Variants in CNTN5 observed in about 807,000 individuals in gnomAD.
The protein encoded by CNTN5 is contactin 5, also known as contactin-5.
CNTN5 carries 77 observed loss-of-function variants against 129.1 expected under a neutral mutation model. The observed-to-expected ratio is 0.60, with a 90% CI of 0.50 to 0.72. The LOEUF (loss-of-function observed/expected upper bound fraction) is 0.72, where lower values mean the gene tolerates loss of function less well. Ranked by LOEUF, CNTN5 falls within the 30% of genes least tolerant of loss-of-function variation. The pLI, the probability that CNTN5 is intolerant of heterozygous loss-of-function variation, is 0.00. For missense variants in CNTN5, 1,478 were observed against 1,328.8 expected, an observed-to-expected ratio of 1.11 and a Z score of -1.75; for synonymous variants, 509 against 465.6, an observed-to-expected ratio of 1.09 and a Z score of -1.20.
At chr11:99,397,908 A>C (rs1413677581) in intron 2 of CNTN5, among the ~76,000 whole-genome samples, 1 of 151,874 alleles carries the variant, frequency 6.6e-6, no homozygotes, top group Non-Finnish European at 1.5e-5. Context: ...TTGAGAGATC[A>C]AGGGAATATA....
chr11:99,205,818 C>G (rs1281508468), intron 1 of CNTN5, among the ~76,000 whole-genome samples: 1 of 147,792 alleles, frequency 6.8e-6, no homozygotes, highest in Admixed American at 6.7e-5. Context: ...AATTGTACAT[C>G]AATAAAGCTG....
At chr11:100,232,665 A>G (rs182512324) in intron 16 of CNTN5, among the ~76,000 whole-genome samples, 1 of 152,322 alleles carries the variant, frequency 6.6e-6, no homozygotes, top group East Asian at 1.9e-4. Context: ...TTCATTCAGT[A>G]CTTACTCATC....
At chr11:100,021,408 A>G (rs1203484549) in intron 9 of CNTN5, among the ~76,000 whole-genome samples, 1 of 152,162 alleles carries the variant, frequency 6.6e-6, no homozygotes, top group Non-Finnish European at 1.5e-5. Flanking sequence ...TACAGAAAAG[A>G]GTTGAAATTT....
chr11:99,923,772 T>C (rs1245324393), intron 7 of CNTN5, among the ~76,000 whole-genome samples: 2 of 151,478 alleles, frequency 1.3e-5, no homozygotes, highest in African/African-American at 2.4e-5. Flanking sequence ...TCTATCTATC[T>C]ATCTATCTAT....
At chr11:99,742,433 AT>A (rs1943916036) in intron 3 of CNTN5, among the ~76,000 whole-genome samples, 1 of 152,174 alleles carries the variant, frequency 6.6e-6, no homozygotes, top group Non-Finnish European at 1.5e-5. Flanking sequence ...GTAACCAATC[AT>A]TTGTGCTCCT....
intron 1 of CNTN5, among the ~76,000 whole-genome samples, chr11:99,030,127 C>T (rs1863297134): frequency 6.6e-6 from 1 of 152,138 alleles, no homozygotes; most frequent in Non-Finnish European, 1.5e-5. Flanking sequence ...CCCTGAGCAA[C>T]ACCATAACCT....
intron 1 of CNTN5, among the ~76,000 whole-genome samples, chr11:99,178,410 A>C (rs1430813501): frequency 6.6e-6 from 1 of 151,512 alleles, no homozygotes; most frequent in Non-Finnish European, 1.5e-5. Context: ...AGTCCTAGCT[A>C]TTCAGGAGCC....
At chr11:99,834,926 C>G (rs1393184999) in intron 4 of CNTN5, among the ~76,000 whole-genome samples, 1 of 152,322 alleles carries the variant, frequency 6.6e-6, no homozygotes, top group South Asian at 2.1e-4. Context: ...TTATTTGATA[C>G]CTTGTTTTCC....
intron 1 of CNTN5, among the ~76,000 whole-genome samples, chr11:99,219,359 G>A (rs1054567643): frequency 2.0e-5 from 3 of 151,808 alleles, no homozygotes; most frequent in East Asian, 1.9e-4. Flanking sequence ...TGGCCATAGG[G>A]GTGATTTCTT....
intron 3 of CNTN5, among the ~76,000 whole-genome samples, chr11:99,686,727 T>C (rs1395366844): frequency 6.6e-6 from 1 of 152,174 alleles, no homozygotes; most frequent in Admixed American, 6.5e-5. Context: ...AAAGAGAAAG[T>C]GTGGGCTGTC....
intron 6 of CNTN5, among the ~76,000 whole-genome samples, chr11:99,881,236 T>C (rs1948763674): frequency 1.3e-5 from 2 of 152,158 alleles, no homozygotes; most frequent in Non-Finnish European, 2.9e-5. Flanking sequence ...TACTACACAC[T>C]CTTGTGAAAT....
At chr11:99,452,518 G>T (rs1944345492) in intron 2 of CNTN5, among the ~76,000 whole-genome samples, 1 of 151,650 alleles carries the variant, frequency 6.6e-6, no homozygotes, top group Admixed American at 6.6e-5. Context: ...GACTACAGGT[G>T]CCCGCCACCA....
intron 4 of CNTN5, among the ~76,000 whole-genome samples, chr11:99,831,812 C>G (rs895807192): frequency 1.3e-5 from 2 of 152,108 alleles, no homozygotes; most frequent in Admixed American, 1.3e-4. Flanking sequence ...AATTTTGAGT[C>G]AGCTCATGAG....
intron 9 of CNTN5, among the ~76,000 whole-genome samples, chr11:100,022,354 G>A (rs116718827): frequency 0.021 from 3,170 of 152,268 alleles, 41 homozygotes; most frequent in African/African-American, 0.037. Flanking sequence ...GACATGGTGT[G>A]TTTAAATCTA....
intron 1 of CNTN5, among the ~76,000 whole-genome samples, chr11:99,169,548 G>T (rs901818341): frequency 7.2e-5 from 11 of 152,232 alleles, no homozygotes; most frequent in Admixed American, 7.2e-4. Flanking sequence ...TTAATAAGAA[G>T]AATAATGATC....
intron 3 of CNTN5, among the ~76,000 whole-genome samples, chr11:99,614,253 A>G (rs558679509): frequency 1.3e-5 from 2 of 152,172 alleles, no homozygotes; most frequent in Non-Finnish European, 2.9e-5. Context: ...ATTTTCATTC[A>G]TTGTTTATTT....
At chr11:99,637,559 G>T (rs1591399356) in intron 3 of CNTN5, among the ~76,000 whole-genome samples, 2 of 152,144 alleles carry the variant, frequency 1.3e-5, no homozygotes, top group South Asian at 4.2e-4. Context: ...AGGGGTTACT[G>T]AAAAATAATT....
chr11:99,308,463 T>C (rs963379594), intron 1 of CNTN5, among the ~76,000 whole-genome samples: 5 of 152,238 alleles, frequency 3.3e-5, no homozygotes, highest in East Asian at 1.9e-4. Flanking sequence ...AATTTTTATA[T>C]TGGAATGTGA....
intron 2 of CNTN5, among the ~76,000 whole-genome samples, chr11:99,367,870 G>A (rs80062562): frequency 0.012 from 1,898 of 152,134 alleles, 23 homozygotes; most frequent in Non-Finnish European, 0.016. Context: ...GAAATGTGAA[G>A]GTTTCAAAGA....
Sources: gnomAD v4.1 joint callset for allele counts (sites outside exome capture counted in the v4.1 genomes callset) on GRCh38, gnomAD v4.1.1 for gene constraint, MANE v1.5 for transcripts, NCBI Gene and HGNC (gene_info 2026-07-23, HGNC 2026-07-21) for gene names.